TTC39B: variants seen among roughly 807,000 people sequenced by gnomAD.
TTC39B encodes the protein tetratricopeptide repeat protein 39B.
In TTC39B, 92 loss-of-function variants were observed where a neutral mutation model predicts 96.6. The ratio of observed to expected loss-of-function variants is 0.95; its 90% CI spans 0.80 to 1.13. The LOEUF (loss-of-function observed/expected upper bound fraction) is 1.13, where lower values mean the gene tolerates loss of function less well. Ranked by LOEUF, TTC39B falls within the 50% of genes most tolerant of loss-of-function variation. The pLI is 0.00. For missense variants in TTC39B, 955 were observed against 809.3 expected, an observed-to-expected ratio of 1.18 and a Z score of -2.18; for synonymous variants, 367 against 299.4, an observed-to-expected ratio of 1.23 and a Z score of -2.33.
chr9:15,269,112 T>C (rs1168813436), intron 1 of TTC39B, among the ~76,000 whole-genome samples: 1 of 152,236 alleles, frequency 6.6e-6, no homozygotes, highest in Non-Finnish European at 1.5e-5. Context: ...TTCTCATCCT[T>C]TGATTTTCAG....
At chr9:15,180,640 G>C (rs1818202064) in intron 17 of TTC39B, among the ~76,000 whole-genome samples, 1 of 152,054 alleles carries the variant, frequency 6.6e-6, no homozygotes, top group African/African-American at 2.4e-5. Context: ...GTAACCTCAG[G>C]TTTACAACTT....
exon 20 of TTC39B, chr9:15,166,766 C>T (rs1032553756): frequency 3.3e-5 from 5 of 151,356 alleles, no homozygotes; most frequent in Admixed American, 3.3e-4. Context: ...ATAAGAAATC[C>T]TGCATTTCTT....
At chr9:15,254,126 G>A (rs1331722172) in intron 2 of TTC39B, among the ~76,000 whole-genome samples, 1 of 151,482 alleles carries the variant, frequency 6.6e-6, no homozygotes, top group Non-Finnish European at 1.5e-5. Context: ...ATAAAGGCTT[G>A]TTAAACCTGG....
intron 16 of TTC39B, 105 bp downstream of exon 16, chr9:15,185,175 G>T: frequency 7.2e-7 from 1 of 1,391,404 alleles, no homozygotes; most frequent in Non-Finnish European, 9.6e-7. Flanking sequence ...AACCTACAAT[G>T]GTTTTTAAAT....
intron 2 of TTC39B, among the ~76,000 whole-genome samples, chr9:15,237,315 A>C (rs1821828881): frequency 6.6e-6 from 1 of 152,204 alleles, no homozygotes; most frequent in Admixed American, 6.5e-5. Flanking sequence ...ACTCCATCTC[A>C]AAAAAGAAAA....
At chr9:15,167,493 C>T (rs1817551373) in exon 20 of TTC39B, 1 of 152,236 alleles carries the variant, frequency 6.6e-6, no homozygotes, top group African/African-American at 2.4e-5. Flanking sequence ...TGGCTCACGC[C>T]TGTAATCCCA....
At chr9:15,214,665 C>G (rs1331469088) in intron 3 of TTC39B, among the ~76,000 whole-genome samples, 1 of 152,158 alleles carries the variant, frequency 6.6e-6, no homozygotes, top group African/African-American at 2.4e-5. Flanking sequence ...TTCAACAGTA[C>G]TTTACTTCAC....
intron 7 of TTC39B, among the ~76,000 whole-genome samples, chr9:15,203,522 A>T (rs543529158): frequency 4.2e-4 from 63 of 151,780 alleles, no homozygotes; most frequent in African/African-American, 1.5e-3. Flanking sequence ...CAGCCTCCCA[A>T]ACTGCTAGGA....
At chr9:15,169,491 C>G (rs1411658969) in exon 20 of TTC39B, 2 of 152,182 alleles carry the variant, frequency 1.3e-5, no homozygotes, top group African/African-American at 4.8e-5. Context: ...ATTGCACTGT[C>G]AGACACAATG....
intron 1 of TTC39B, among the ~76,000 whole-genome samples, chr9:15,287,706 T>C (rs1824023595): frequency 1.3e-5 from 2 of 152,102 alleles, no homozygotes; most frequent in Admixed American, 1.3e-4. Context: ...AATGATTCTT[T>C]CTGGCTGGGC....
intron 2 of TTC39B, among the ~76,000 whole-genome samples, chr9:15,230,769 G>C (rs531844235): frequency 6.6e-6 from 1 of 152,136 alleles, no homozygotes; most frequent in Non-Finnish European, 1.5e-5. Flanking sequence ...CAGATCACTT[G>C]AGGTCAGGAG....
chr9:15,213,468 C>T (rs1820325441), intron 4 of TTC39B, among the ~76,000 whole-genome samples: 1 of 152,132 alleles, frequency 6.6e-6, no homozygotes, highest in Non-Finnish European at 1.5e-5. Flanking sequence ...ATTCACATGA[C>T]CAGAGTCCAG....
At chr9:15,217,306 C>T (rs1820576231) in intron 3 of TTC39B, among the ~76,000 whole-genome samples, 1 of 152,192 alleles carries the variant, frequency 6.6e-6, no homozygotes, top group African/African-American at 2.4e-5. Flanking sequence ...TCCTTCATTA[C>T]CAGGAAACAG....
Position 15,185,151 on chromosome 9 carries a change from T to C in TTC39B, c.1614+129A>G. The C allele has an allele frequency of 2.5e-6, 3 of 1,204,452 alleles. No homozygotes were observed. In the South Asian group the frequency reaches 5.2e-5, roughly 21 times the overall value. 74.6% of individuals were successfully genotyped at this position (1,204,452 alleles called of 1,614,324 possible). ...TTATTAATTATTTATTTAGAAATGT[T>C]CAACTTACAACAAAACCTACAATGG... On this transcript the variant is annotated intron_variant, in intron 16 of 19. Coordinates refer to ENST00000512701, the Ensembl canonical transcript of TTC39B.
intron 2 of TTC39B, chr9:15,249,190 C>CA (rs1822418429): frequency 6.6e-6 from 1 of 152,046 alleles, no homozygotes; most frequent in Admixed American, 6.6e-5. Flanking sequence ...CAGGAAATTC[C>CA]AAAGGGGGAA....
chr9:15,222,434 T>C (rs1009069129), intron 3 of TTC39B, among the ~76,000 whole-genome samples: 1 of 152,200 alleles, frequency 6.6e-6, no homozygotes, highest in African/African-American at 2.4e-5. Context: ...ACTGAAACTC[T>C]GTACTCATTA....
chr9:15,217,006 G>A (rs1820557051), intron 3 of TTC39B, among the ~76,000 whole-genome samples: 1 of 152,158 alleles, frequency 6.6e-6, no homozygotes. Flanking sequence ...CCAAAAAGGT[G>A]ACATCCAATT....
chr9:15,260,661 A>C (rs1276428130), intron 2 of TTC39B, among the ~76,000 whole-genome samples: 1 of 152,202 alleles, frequency 6.6e-6, no homozygotes, highest in Admixed American at 6.5e-5. Flanking sequence ...CTTCACTCTC[A>C]TCTACAATTT....
intron 1 of TTC39B, among the ~76,000 whole-genome samples, chr9:15,300,015 G>C (rs1207746373): frequency 6.6e-6 from 1 of 152,206 alleles, no homozygotes; most frequent in Non-Finnish European, 1.5e-5. Flanking sequence ...CATTTCAGGA[G>C]AATGTCTGTT....
Sources: gnomAD v4.1 joint callset for allele counts (sites outside exome capture counted in the v4.1 genomes callset) on GRCh38, gnomAD v4.1.1 for gene constraint, MANE v1.5 for transcripts, NCBI Gene and HGNC (gene_info 2026-07-23, HGNC 2026-07-21) for gene names.